VPS13A: variants seen among roughly 807,000 people sequenced by gnomAD.
VPS13A encodes the protein vacuolar protein sorting 13 homolog A, also known as intermembrane lipid transfer protein VPS13A.
VPS13A carries 264 observed loss-of-function variants against 390.9 expected under a neutral mutation model. The observed-to-expected ratio is 0.68, with a 90% CI of 0.61 to 0.75. VPS13A has a LOEUF of 0.75. VPS13A is among the 30% of genes least tolerant of loss of function. The pLI, the probability that VPS13A is intolerant of heterozygous loss-of-function variation, is 0.00. For synonymous variants in VPS13A, 1,231 were observed against 1,227.1 expected, an observed-to-expected ratio of 1.00 and a Z score of -0.07; for missense variants, 3,409 against 3,733.9, an observed-to-expected ratio of 0.91 and a Z score of 2.27.
chr9:77,293,673 A>T (rs148404659), intron 32 of VPS13A, among the ~76,000 whole-genome samples, 165 bp downstream of exon 32: 4 of 152,002 alleles, frequency 2.6e-5, no homozygotes, highest in Admixed American at 2.6e-4. Context: ...TTCCTTATTT[A>T]TATAACATCG....
At chr9:77,278,309 G>A (rs975411453) in intron 26 of VPS13A, among the ~76,000 whole-genome samples, 12 of 143,972 alleles carry the variant, frequency 8.3e-5, no homozygotes, top group African/African-American at 3.1e-4. Context: ...TCCTGACCTC[G>A]TGATCCGCCC....
At chr9:77,197,755 T>G (rs1215333533) in intron 1 of VPS13A, among the ~76,000 whole-genome samples, 1 of 152,164 alleles carries the variant, frequency 6.6e-6, no homozygotes, top group African/African-American at 2.4e-5. Context: ...CAAAGATAAT[T>G]TTATACAATA....
intron 67 of VPS13A, among the ~76,000 whole-genome samples, chr9:77,378,768 A>G (rs1243523051): frequency 6.6e-6 from 1 of 151,326 alleles, no homozygotes; most frequent in Non-Finnish European, 1.5e-5. Flanking sequence ...TACTTTCTCA[A>G]CTTGTGAAGT....
chr9:77,234,722 T>A (rs1490631926), intron 17 of VPS13A, among the ~76,000 whole-genome samples: 1 of 152,208 alleles, frequency 6.6e-6, no homozygotes, highest in Non-Finnish European at 1.5e-5. Context: ...GTATGTCTTA[T>A]ACCTTCTGTA....
intron 1 of VPS13A, among the ~76,000 whole-genome samples, chr9:77,193,902 A>G (rs1824834210): frequency 6.6e-6 from 1 of 152,178 alleles, no homozygotes; most frequent in Non-Finnish European, 1.5e-5. Context: ...TCTGGGTACC[A>G]AGGCTCAGCT....
intron 67 of VPS13A, among the ~76,000 whole-genome samples, chr9:77,373,207 G>A (rs1280056594): frequency 3.3e-4 from 50 of 150,296 alleles, no homozygotes; most frequent in African/African-American, 1.2e-3. Context: ...AACGAAGCTG[G>A]AGGCATCACA....
At position 77,273,617 on chromosome 9, in the gene VPS13A, G is replaced by A. The variant is rs117772921; in HGVS notation, c.2512+253G>A. Among the ~76,000 whole-genome samples the A allele has an allele frequency of 2.0e-3, 311 of 152,220 alleles. 6 individuals are homozygous for A. The East Asian group carries it at 0.029, about 14-fold the overall frequency. On this transcript the variant is annotated intron_variant, in intron 24 of 71. Coordinates refer to ENST00000360280, the MANE Select transcript of VPS13A (RefSeq NM_033305.3). Reference sequence around the variant, plus strand: ...TAACTCAAGGTGGTGATTAAAATTTGGGTTTATATACCAGTTTGGGCTTAA... The same window carrying A: ...TAACTCAAGGTGGTGATTAAAATTTAGGTTTATATACCAGTTTGGGCTTAA...
At chr9:77,259,168 C>T (rs1825618393) in intron 22 of VPS13A, among the ~76,000 whole-genome samples, 1 of 152,128 alleles carries the variant, frequency 6.6e-6, no homozygotes, top group Non-Finnish European at 1.5e-5. Flanking sequence ...CCACAGGTGT[C>T]AGGAACATTC....
rs1425840625 is a variant in VPS13A at position 77,302,901 on chromosome 9, A to C, written c.3813-14A>C. 1 of 1,609,126 alleles carries C rather than the reference A, an allele frequency of 6.2e-7. No individual in the cohort carries two copies. Among genetic ancestry groups the C allele is most frequent in the Non-Finnish European group, 8.5e-7 (1 of 1,175,674 alleles). ...ATATGAAACAATTTAAAAGAATGTT[A>C]TCTCTACTTATAGATCTCGATTTAT... On this transcript the variant is annotated splice_polypyrimidine_tract_variant and intron_variant, in intron 33 of 71. Coordinates refer to ENST00000360280, the MANE Select transcript of VPS13A (RefSeq NM_033305.3).
intron 21 of VPS13A, 94 bp from the exon 22 acceptor site, chr9:77,252,141 C>A: frequency 9.8e-7 from 1 of 1,025,512 alleles, no homozygotes; most frequent in Non-Finnish European, 1.5e-6. Context: ...GAAATTTCCT[C>A]ATATAATGGA....
chr9:77,228,085 T>C, intron 16 of VPS13A, 37 bp from the exon 17 acceptor site: 2 of 1,419,576 alleles, frequency 1.4e-6, no homozygotes, highest in Non-Finnish European at 1.9e-6. Context: ...TATATATATA[T>C]ATATGTTTTC....
intron 43 of VPS13A, 54 bp downstream of exon 43, chr9:77,321,381 G>T (rs901957688): frequency 6.3e-7 from 1 of 1,580,808 alleles, no homozygotes; most frequent in Non-Finnish European, 8.7e-7. Flanking sequence ...TGATTGATCT[G>T]TCTGTTGAAT....
chr9:77,225,332 C>T (rs1241356811), intron 13 of VPS13A, among the ~76,000 whole-genome samples: 1 of 152,110 alleles, frequency 6.6e-6, no homozygotes, highest in Non-Finnish European at 1.5e-5. Flanking sequence ...TGCAGTGGCA[C>T]CATGACCCCT....
At chr9:77,382,136 AT>A (rs757966581) in intron 68 of VPS13A, 49 bp downstream of exon 68, 80 of 1,497,068 alleles carry the variant, frequency 5.3e-5, no homozygotes, top group East Asian at 1.4e-4. Flanking sequence ...GTCAAGTTAG[AT>A]TTTTTTTAAG....
chr9:77,283,798 T>C, intron 31 of VPS13A, 148 bp downstream of exon 31: 1 of 622,272 alleles, frequency 1.6e-6, no homozygotes, highest in Non-Finnish European at 2.8e-6. Context: ...AATTGGGTTC[T>C]TAGCTCTACT....
At chr9:77,283,886 T>C (rs766364881) in intron 31 of VPS13A, among the ~76,000 whole-genome samples, 1 of 152,150 alleles carries the variant, frequency 6.6e-6, no homozygotes, top group Non-Finnish European at 1.5e-5. Flanking sequence ...AGGATTACAG[T>C]ATCTCATAAA....
At chr9:77,184,618 C>T (rs1237436770) in intron 1 of VPS13A, among the ~76,000 whole-genome samples, 1 of 151,948 alleles carries the variant, frequency 6.6e-6, no homozygotes, top group East Asian at 1.9e-4. Context: ...GACTCCGTCT[C>T]AAAAAAACAA....
At chr9:77,184,690 G>A (rs982654344) in intron 1 of VPS13A, among the ~76,000 whole-genome samples, 6 of 149,660 alleles carry the variant, frequency 4.0e-5, no homozygotes, top group African/African-American at 1.5e-4. Context: ...ATTATCACAG[G>A]ATTTTTTTCT....
Position 77,337,483 on chromosome 9 carries a change from G to A in VPS13A, c.6324G>A (p.Trp2108Ter), listed in dbSNP as rs1428555100. The A allele has an allele frequency of 6.2e-7, 1 of 1,613,462 alleles. No individual in the cohort carries two copies. Among genetic ancestry groups the A allele is most frequent in the Admixed American group, 1.7e-5 (1 of 59,986 alleles). Residue 2108 changes from tryptophan (W) to a stop codon, truncating the protein, a stop_gained, in exon 47 of 72, where the codon TGG becomes TGA. Coordinates refer to ENST00000360280, the MANE Select transcript of VPS13A (RefSeq NM_033305.3). LOFTEE classifies it high-confidence loss of function. ...ATTTACCATACATAATGCATTTGTG[G>A]CCACCTATCCTGCTCCGAAATCTTC... ...GWDLPYIMHLWPPILLRNLLP... is the reference protein window; with the variant it reads ...GWDLPYIMHL
Sources: allele counts gnomAD v4.1 joint callset (sites outside exome capture counted in the v4.1 genomes callset), GRCh38; gene constraint gnomAD v4.1.1; transcripts MANE v1.5; gene names NCBI Gene and HGNC (gene_info 2026-07-23, HGNC 2026-07-21).